WEE1: variants seen among roughly 807,000 people sequenced by gnomAD.
WEE1 encodes the protein WEE1 G2 checkpoint kinase, also known as wee1-like protein kinase.
WEE1 carries 16 observed loss-of-function variants against 68.8 expected under a neutral mutation model. The observed-to-expected ratio is 0.23, with a 90% CI of 0.16 to 0.35. The LOEUF is 0.35. Among genes scored for constraint, WEE1 ranks in the 10% least tolerant of loss-of-function variants. The pLI is 1.00. For synonymous variants in WEE1, 349 were observed against 318.7 expected (o/e 1.09, Z -1.01); for missense variants, 651 against 824.1 (o/e 0.79, Z 2.57).
chr11:9,574,470 C>A lies in WEE1; in HGVS notation c.537C>A (p.Phe179Leu). 7.9e-7 allele frequency: 1 copy of A among 1,260,084 alleles called. No homozygotes were observed. Among genetic ancestry groups the A allele is most frequent in the Non-Finnish European group, 1.0e-6 (1 of 1,003,614 alleles). The allele number at this position is 1,260,084 out of a possible 1,614,324, so 78.1% of individuals were successfully genotyped here. The change falls in exon 1 of 11, where the codon TTC becomes TTA. Residue 179 changes from phenylalanine to leucine, a missense_variant. Physicochemically the swap from Phe to Leu is conservative, Grantham distance 22. Coordinates refer to ENST00000450114, the MANE Select transcript of WEE1 (RefSeq NM_003390.4). The surrounding 1 kb of genome is among the most constrained non-coding windows in gnomAD (Gnocchi z 4.9). The part of the protein sequence containing the change: ...DHPGTPPHKT[F>L]RKLRLFDTPH... ...CGGGCACCCCGCCACACAAGACCTTCCGCAAGCTGCGACTCTTCGACACCC... is the reference window on the plus strand; with the variant it reads ...CGGGCACCCCGCCACACAAGACCTTACGCAAGCTGCGACTCTTCGACACCC...
At chr11:9,581,820 G>A (rs887395472) in intron 6 of WEE1, 142 bp downstream of exon 6, 3 of 836,710 alleles carry the variant, frequency 3.6e-6, no homozygotes, top group Non-Finnish European at 5.2e-6. Flanking sequence ...TACCAATATT[G>A]TTTTATGATT....
chr11:9,575,701 T>C, intron 1 of WEE1, 187 bp from the exon 2 acceptor site: 3 of 600,008 alleles, frequency 5.0e-6, no homozygotes, highest in Non-Finnish European at 8.7e-6. Context: ...CAAGAAAAGA[T>C]AGTTAATATC....
At chr11:9,575,278 TG>T (rs1202073875) in intron 1 of WEE1, 17 of 986,640 alleles carry the variant, frequency 1.7e-5, no homozygotes, top group Non-Finnish European at 2.0e-5. Context: ...ACTGCGCAGA[TG>T]ACCACTTTTA....
In WEE1 at chr11:9,576,236, T is replaced by G. The variant is rs1007055999; in HGVS notation, c.789T>G (p.Cys263Trp). The G allele has an allele frequency of 4.6e-6, 7 of 1,526,130 alleles. No individual in the cohort carries two copies. The highest frequency in any genetic ancestry group is 6.2e-6 in the Non-Finnish European group (7 of 1,122,914). The allele number at this position is 1,526,130 out of a possible 1,614,324, so 94.5% of individuals were successfully genotyped here. The change falls in exon 3 of 11, where the codon TGT (cysteine) becomes TGG (tryptophan). Residue 263 changes from cysteine (C) to tryptophan (W), a missense_variant. By Grantham distance (215) the Cys-to-Trp change is radical. Coordinates refer to ENST00000450114, the MANE Select transcript of WEE1 (RefSeq NM_003390.4). This position sits in a 1 kb window ranked among gnomAD's most constrained non-coding sequence, Gnocchi z 4.3. The stretch of plus-strand genomic sequence containing the variant: ...AAAATAACATTTTTTTTAGTTCCTG[T>G]GGTGAAGACATGGAAGCCAGTGATT... The part of the protein sequence containing the change: ...RRKRTYWNDS[C>W]GEDMEASDYE...
In WEE1 at chr11:9,589,469, A is replaced by T. The variant is rs776667386; in HGVS notation, c.*867A>T. 2.4e-4 allele frequency: 241 copies of T among 985,116 alleles called. No individual in the cohort carries two copies. The highest frequency in any genetic ancestry group is 2.7e-4 in the Non-Finnish European group (221 of 829,838). The allele number at this position is 985,116 out of a possible 1,614,324, so 61.0% of individuals were successfully genotyped here. A position where few individuals can be genotyped will look rare whatever the true frequency, so the allele number is the denominator to read the frequency against. On this transcript the variant is annotated 3_prime_UTR_variant, in exon 11 of 11. Coordinates refer to ENST00000450114, the MANE Select transcript of WEE1 (RefSeq NM_003390.4). Reference sequence around the variant, plus strand: ...GATTGTATTATTAGTCTGTTTTTAAATGTTTTGCCCGGTTTTTCTCTTCAA... The same window carrying T: ...GATTGTATTATTAGTCTGTTTTTAATTGTTTTGCCCGGTTTTTCTCTTCAA...
intron 6 of WEE1, 76 bp downstream of exon 6, chr11:9,581,754 A>C: frequency 7.3e-7 from 1 of 1,376,858 alleles, no homozygotes; most frequent in Non-Finnish European, 9.9e-7. Context: ...ACAACATTGA[A>C]AAAATATATA....
In WEE1 at chr11:9,574,618, T is replaced by G; in HGVS notation, c.576+109T>G. The G allele has an allele frequency of 1.3e-5, 14 of 1,101,926 alleles. No homozygotes were observed. Among genetic ancestry groups the G allele is most frequent in the East Asian group, 1.1e-4 (2 of 18,740 alleles). 68.3% of individuals were successfully genotyped at this position (1,101,926 alleles called of 1,614,324 possible). A position where few individuals can be genotyped will look rare whatever the true frequency, so the allele number is the denominator to read the frequency against. The stretch of plus-strand genomic sequence containing the variant: ...AGCGGCCGGCCGCTCCCCCCTCGCT[T>G]TCCTGCGCCGCCCCCCAAAGTTGGC... On this transcript the variant is annotated intron_variant, in intron 1 of 10. Transcript: ENST00000450114. The surrounding 1 kb of genome is among the most constrained non-coding windows in gnomAD (Gnocchi z 4.9).
In WEE1 at chr11:9,586,631, A is replaced by T. The variant is rs1849702891; in HGVS notation, c.1641+12A>T. On this transcript the variant is annotated intron_variant, in intron 9 of 10. Coordinates refer to ENST00000450114, the MANE Select transcript of WEE1 (RefSeq NM_003390.4). ...CAGAGTTGCTAAAAGTGAGCATTTT[A>T]TATATGAAGCCCTTTATTGACATGG... 1.9e-6 allele frequency: 3 copies of T among 1,613,794 alleles called. No individual in the cohort carries two copies. The South Asian group carries it at 3.3e-5, about 18-fold the overall frequency.
In WEE1 at chr11:9,585,328, A is replaced by G. The variant is rs1849688381; in HGVS notation, c.1359A>G (p.Ala453=). 2 of 1,614,124 alleles carry G rather than the reference A, an allele frequency of 1.2e-6. No homozygotes were observed. The highest frequency in any genetic ancestry group is 1.7e-6 in the Non-Finnish European group (2 of 1,179,978). ...AAGAAGGAGACGAAGATGATTGGGC[A>G]TCCAACAAAGTTATGTTTAAAATAG... The part of the protein sequence containing the change: ...ASEEGDEDDW[A]SNKVMFKIGD... The change falls in exon 7 of 11, where the codon GCA becomes GCG. Residue 453 remains alanine (A), a synonymous_variant. Coordinates refer to ENST00000450114, the MANE Select transcript of WEE1 (RefSeq NM_003390.4).
In WEE1 at chr11:9,576,375, AAC is replaced by A; in HGVS notation, c.846+86_846+87del. Reference sequence around the variant, plus strand: ...TGCTATGAATATGTTAATAAGCATTAACACATAAGGTAGAATGGTTTTTAAAT... The same window carrying A: ...TGCTATGAATATGTTAATAAGCATTAACATAAGGTAGAATGGTTTTTAAAT... On this transcript the variant is annotated intron_variant, in intron 3 of 10. Coordinates refer to ENST00000450114, the MANE Select transcript of WEE1 (RefSeq NM_003390.4). This position sits in a 1 kb window ranked among gnomAD's most constrained non-coding sequence, Gnocchi z 4.3. 6.5e-7 allele frequency: 1 copy of A among 1,544,844 alleles called. No homozygotes were observed. Among genetic ancestry groups the A allele is most frequent in the South Asian group, 1.2e-5 (1 of 83,116 alleles).
At chr11:9,586,178 T>C (rs892831512) in intron 8 of WEE1, among the ~76,000 whole-genome samples, 3 of 152,222 alleles carry the variant, frequency 2.0e-5, no homozygotes, top group Non-Finnish European at 4.4e-5. Context: ...GGGATTTCTT[T>C]TGAGAGTTGA....
chr11:9,574,829 T>G lies in WEE1; in HGVS notation c.576+320T>G. 1 of 992,936 alleles carries G rather than the reference T, an allele frequency of 1.0e-6. No homozygotes were observed. The highest frequency in any genetic ancestry group is 1.2e-6 in the Non-Finnish European group (1 of 834,918). 61.5% of individuals were successfully genotyped at this position (992,936 alleles called of 1,614,324 possible). On this transcript the variant is annotated intron_variant, in intron 1 of 10. Coordinates refer to ENST00000450114, the MANE Select transcript of WEE1 (RefSeq NM_003390.4). The surrounding 1 kb of genome is among the most constrained non-coding windows in gnomAD (Gnocchi z 4.9). ...CCCGAGTGCGGCACCGATAACGCGG[T>G]TCGCGAGGATGCTGGAGGGTGCCGG... is the stretch of plus-strand genomic sequence containing the variant.
chr11:9,583,730 T>C (rs1849655649), intron 6 of WEE1, among the ~76,000 whole-genome samples: 1 of 139,642 alleles, frequency 7.2e-6, no homozygotes, highest in Non-Finnish European at 1.5e-5. Flanking sequence ...TAATACTAAA[T>C]ATTTGTGCGT....
chr11:9,573,700 G>T lies in WEE1; in HGVS notation c.-234G>T. 1 of 181,678 alleles carries T rather than the reference G, an allele frequency of 5.5e-6. No individual in the cohort carries two copies. Among genetic ancestry groups the T allele is most frequent in the South Asian group, 1.8e-4 (1 of 5,700 alleles). 11.3% of individuals were successfully genotyped at this position (181,678 alleles called of 1,614,324 possible). A position where few individuals can be genotyped will look rare whatever the true frequency, so the allele number is the denominator to read the frequency against. ...CCGAACCTGAGACTGGACCTGAGGA[G>T]ACCTCAGCCTCGGTGCTCGGGCCGC... is the stretch of plus-strand genomic sequence containing the variant. On this transcript the variant is annotated 5_prime_UTR_variant, in exon 1 of 11. Coordinates refer to ENST00000450114, the MANE Select transcript of WEE1 (RefSeq NM_003390.4).
At chr11:9,587,629 T>G (rs544521469) in intron 10 of WEE1, among the ~76,000 whole-genome samples, 1 of 152,344 alleles carries the variant, frequency 6.6e-6, no homozygotes, top group East Asian at 1.9e-4. Flanking sequence ...ATATTGGACT[T>G]AATGACTTGA....
At chr11:9,577,419 C>T in intron 5 of WEE1, 156 bp downstream of exon 5, 1 of 932,656 alleles carries the variant, frequency 1.1e-6, no homozygotes, top group Non-Finnish European at 1.6e-6. Context: ...AGGTTAAAAA[C>T]CTTGTCCTTT....
rs572654610 is a variant in WEE1 at position 9,587,424 on chromosome 11, A to T, written c.1787+568A>T. The stretch of plus-strand genomic sequence containing the variant: ...AAGTGGTGATAGTCCCCAAGCCATA[A>T]ATGGTAGTAAAAGCTAAGCGAGCCT... On this transcript the variant is annotated intron_variant, in intron 10 of 10. Coordinates refer to ENST00000450114, the MANE Select transcript of WEE1 (RefSeq NM_003390.4). Among the ~76,000 whole-genome samples the T allele has an allele frequency of 2.6e-5, 4 of 152,332 alleles. No homozygotes were observed. The East Asian group carries it at 7.7e-4, about 29-fold the overall frequency.
intron 5 of WEE1, 44 bp downstream of exon 5, chr11:9,577,307 A>G (rs762572738): frequency 1.9e-6 from 3 of 1,592,800 alleles, no homozygotes; most frequent in Non-Finnish European, 2.6e-6. Flanking sequence ...GAAAATGAAC[A>G]TCGAGGAAAT....
rs1849545460 is a variant in WEE1, at chr11:9,574,771, C to T, written c.576+262C>T. On this transcript the variant is annotated intron_variant, in intron 1 of 10. Coordinates refer to ENST00000450114, the MANE Select transcript of WEE1 (RefSeq NM_003390.4). The surrounding 1 kb of genome is among the most constrained non-coding windows in gnomAD (Gnocchi z 4.9). ...GTCCGGGTGGCCAAGGATTTGCCGCCCGTTGAGTCCGGGCCGCCCCGAGCG... is the reference window on the plus strand; with the variant it reads ...GTCCGGGTGGCCAAGGATTTGCCGCTCGTTGAGTCCGGGCCGCCCCGAGCG... The T allele has an allele frequency of 9.8e-7, 1 of 1,015,744 alleles. No individual in the cohort carries two copies. The highest frequency in any genetic ancestry group is 1.2e-6 in the Non-Finnish European group (1 of 850,056). 62.9% of individuals were successfully genotyped at this position (1,015,744 alleles called of 1,614,324 possible). A position where few individuals can be genotyped will look rare whatever the true frequency, so the allele number is the denominator to read the frequency against.
Sources: gnomAD v4.1 joint callset for allele counts (sites outside exome capture counted in the v4.1 genomes callset) on GRCh38, gnomAD v4.1.1 for gene constraint, Gnocchi (gnomAD v3.1) non-coding constraint, MANE v1.5 for transcripts, NCBI Gene and HGNC (gene_info 2026-07-23, HGNC 2026-07-21) for gene names.